The following DOC2A variants were observed in gnomAD, a reference collection of about 807,000 sequenced individuals.
DOC2A encodes the protein double C2 domain alpha.
In DOC2A, 28 loss-of-function variants were observed where a neutral mutation model predicts 40.6. The ratio of observed to expected loss-of-function variants is 0.69; its 90% CI spans 0.51 to 0.95. DOC2A has a LOEUF of 0.95. DOC2A is among the 40% of genes least tolerant of loss of function. The pLI is 0.00. For missense variants in DOC2A, 474 were observed against 552.5 expected (o/e 0.86, Z 1.42); for synonymous variants, 241 against 236.9 (o/e 1.02, Z -0.16).
chr16:30,006,816 C>T lies in DOC2A; in HGVS notation c.847G>A (p.Val283Ile), dbSNP rs868497849. The T allele has an allele frequency of 6.2e-6, 10 of 1,613,652 alleles. No individual in the cohort carries two copies. In the East Asian group the frequency reaches 6.7e-5, roughly 11 times the overall value. ...LRCAHLAAMDVNGYSDPYVKT... is the reference protein window; with the variant it reads ...LRCAHLAAMDINGYSDPYVKT... ...ACGTAGGGGTCCGAGTAACCGTTGA[C>T]GTCCATGGCAGCCAGATGGGCGCAG... The change falls in exon 8 of 11, where the codon GTC becomes ATC. Residue 283 changes from valine to isoleucine, a missense_variant. Coordinates refer to ENST00000350119, the MANE Select transcript of DOC2A (RefSeq NM_003586.3). The surrounding 1 kb of genome is among the most constrained non-coding windows in gnomAD (Gnocchi z 6.2).
upstream of DOC2A, among the ~76,000 whole-genome samples, chr16:30,021,878 C>A (rs1048958191): frequency 4.6e-5 from 7 of 152,152 alleles, no homozygotes; most frequent in East Asian, 3.9e-4. Context: ...GAACCCCCCC[C>A]CCAGGAAGTG....
Position 30,010,594 on chromosome 16 carries a change from G to A in DOC2A, c.-14+309C>T, listed in dbSNP as rs1012323148. 9 of 336,024 alleles carry A rather than the reference G, an allele frequency of 2.7e-5. No homozygotes were observed. The highest frequency in any genetic ancestry group is 7.3e-5 in the East Asian group (1 of 13,714). The allele number at this position is 336,024 out of a possible 1,614,324, so 20.8% of individuals were successfully genotyped here. A position where few individuals can be genotyped will look rare whatever the true frequency, so the allele number is the denominator to read the frequency against. On this transcript the variant is annotated intron_variant, in intron 1 of 10. Transcript: ENST00000350119. This position sits in a 1 kb window ranked among gnomAD's most constrained non-coding sequence, Gnocchi z 4.2. Reference sequence around the variant, plus strand: ...CCCCCAAGGGGCCCTGCAGGGCCCCGCCTCTGTTTCTCGGAGGCTCTGTCC... The same window carrying A: ...CCCCCAAGGGGCCCTGCAGGGCCCCACCTCTGTTTCTCGGAGGCTCTGTCC...
Position 30,005,788 on chromosome 16 carries a change from T to G in DOC2A, c.*398A>C. ...AGTTTCTGTATTAAAGGAGTGGCTC[T>G]GGGTTTGTTTTTTGTCCTTTTTTTT... On this transcript the variant is annotated 3_prime_UTR_variant, in exon 11 of 11. Coordinates refer to ENST00000350119, the MANE Select transcript of DOC2A (RefSeq NM_003586.3). The G allele has an allele frequency of 2.2e-6, 1 of 458,776 alleles. No individual in the cohort carries two copies. 28.4% of individuals were successfully genotyped at this position (458,776 alleles called of 1,614,324 possible).
Position 30,009,475 on chromosome 16 carries a change from C to T in DOC2A, c.342+3G>A, listed in dbSNP as rs1194544302. 3 of 1,551,280 alleles carry T rather than the reference C, an allele frequency of 1.9e-6. No homozygotes were observed. Among genetic ancestry groups the T allele is most frequent in the Non-Finnish European group, 2.6e-6 (3 of 1,146,954 alleles). On this transcript the variant is annotated splice_donor_region_variant and intron_variant, in intron 3 of 10. Transcript: ENST00000350119. The surrounding 1 kb of genome is among the most constrained non-coding windows in gnomAD (Gnocchi z 4.1). The stretch of plus-strand genomic sequence containing the variant: ...CCGGGCTTGGGTGGCAGGGAGTGCC[C>T]ACCTTGGCCCTGAGGATGCTACAGT...
At chr16:30,013,016 C>A (rs1326934703), upstream of DOC2A, among the ~76,000 whole-genome samples, 3 of 151,576 alleles carry the variant, frequency 2.0e-5, no homozygotes, top group Non-Finnish European at 4.4e-5. Flanking sequence ...AACAAACAAA[C>A]AAAAAACCCT....
At chr16:30,013,622 A>AAGAAAAAAAAAAAAAT (rs1186474493), upstream of DOC2A, 1 of 141,520 alleles carries the variant, frequency 7.1e-6, no homozygotes, top group Admixed American at 7.2e-5. Flanking sequence ...AAAAAAAAAA[A>AAGAAAAAAAAAAAAAT]AAAAATCCTT....
At chr16:30,015,644 T>C (rs992387623), upstream of DOC2A, among the ~76,000 whole-genome samples, 2 of 151,502 alleles carry the variant, frequency 1.3e-5, no homozygotes, top group African/African-American at 4.8e-5. Context: ...TTTTCTTTCT[T>C]TTCTTCTTTC....
chr16:30,008,755 C>A (rs1190197701), intron 5 of DOC2A: 1 of 471,084 alleles, frequency 2.1e-6, no homozygotes, highest in Non-Finnish European at 3.9e-6. Flanking sequence ...ATCCGCCCAC[C>A]TCGGCCTCCC....
chr16:30,009,842 C>G lies in DOC2A; in HGVS notation c.262+119G>C, dbSNP rs544184187. Reference sequence around the variant, plus strand: ...TGTGGTGGCCGTCCCTGCCACCCCCCCACTGCCCTCCTCCCCTACCTACAT... The same window carrying G: ...TGTGGTGGCCGTCCCTGCCACCCCCGCACTGCCCTCCTCCCCTACCTACAT... On this transcript the variant is annotated intron_variant, in intron 2 of 10. Transcript: ENST00000350119. The surrounding 1 kb of genome is among the most constrained non-coding windows in gnomAD (Gnocchi z 4.1). The G allele has an allele frequency of 3.4e-6, 4 of 1,164,210 alleles. No individual in the cohort carries two copies. Among genetic ancestry groups the G allele is most frequent in the Admixed American group, 1.9e-5 (1 of 52,436 alleles). 72.1% of individuals were successfully genotyped at this position (1,164,210 alleles called of 1,614,324 possible). A position where few individuals can be genotyped will look rare whatever the true frequency, so the allele number is the denominator to read the frequency against.
chr16:30,019,693 T>C (rs2070891289), intron 1 of DOC2A, among the ~76,000 whole-genome samples: 1 of 152,184 alleles, frequency 6.6e-6, no homozygotes, highest in Non-Finnish European at 1.5e-5. Flanking sequence ...AAGGAGCAGT[T>C]GCCTGTGGGC....
intron 1 of DOC2A, among the ~76,000 whole-genome samples, chr16:30,020,710 G>C (rs1463433094): frequency 6.6e-6 from 1 of 152,140 alleles, no homozygotes; most frequent in Non-Finnish European, 1.5e-5. Context: ...AGCCAGGCAT[G>C]GTGGCATATG....
chr16:30,006,870 G>T lies in DOC2A; in HGVS notation c.793C>A (p.Arg265Ser), dbSNP rs758127824. 1.1e-5 allele frequency: 18 copies of T among 1,613,474 alleles called. No homozygotes were observed. Among genetic ancestry groups the T allele is most frequent in the Non-Finnish European group, 1.5e-5 (18 of 1,179,746 alleles). ...AAGATGCCTACCAGCAGTCCCCGGC[G>T]CCGCGAGCTGTAGCTGAGACTCAGC... Reference protein sequence around the residue: ...ILLSLSYSSRRRGLLVGILRC... With the variant: ...ILLSLSYSSRSRGLLVGILRC... Residue 265 changes from arginine to serine, a missense_variant, in exon 8 of 11, where the codon CGC (arginine) becomes AGC (serine). Coordinates refer to ENST00000350119, the MANE Select transcript of DOC2A (RefSeq NM_003586.3). This position sits in a 1 kb window ranked among gnomAD's most constrained non-coding sequence, Gnocchi z 6.2.
At chr16:30,011,473 G>A (rs1187497775), upstream of DOC2A, 1 of 950,878 alleles carries the variant, frequency 1.1e-6, no homozygotes, top group Middle Eastern at 5.4e-4. Context: ...CGGCCACGGC[G>A]CCTCCCTCCC....
In DOC2A at chr16:30,005,760, T is replaced by C. The variant is rs1391098692; in HGVS notation, c.*426A>G. The C allele has an allele frequency of 2.1e-6, 1 of 474,298 alleles. No homozygotes were observed. The highest frequency in any genetic ancestry group is 2.0e-5 in the African/African-American group (1 of 49,410). The allele number at this position is 474,298 out of a possible 1,614,324, so 29.4% of individuals were successfully genotyped here. ...GCTGTACAGGGCTAGGTTTTTTCAA[T>C]GAAGTTTCTGTATTAAAGGAGTGGC... On this transcript the variant is annotated 3_prime_UTR_variant, in exon 11 of 11. Transcript: ENST00000350119.
upstream of DOC2A, chr16:30,011,296 T>C (rs1596709323): frequency 1.0e-6 from 1 of 974,508 alleles, no homozygotes; most frequent in African/African-American, 1.8e-5. Flanking sequence ...GCTCACACCC[T>C]TGCACACACC....
chr16:30,013,259 TTTTTC>T (rs962861712), upstream of DOC2A, among the ~76,000 whole-genome samples: 10 of 149,724 alleles, frequency 6.7e-5, no homozygotes, highest in African/African-American at 2.2e-4. Context: ...CTCTTCTTTT[TTTTTC>T]TTTTCTTTTT....
chr16:30,022,425 C>A (rs1184804512), upstream of DOC2A, among the ~76,000 whole-genome samples: 1 of 151,894 alleles, frequency 6.6e-6, no homozygotes, highest in Non-Finnish European at 1.5e-5. Context: ...AATCCCAGCA[C>A]TTTGGGAGGC....
Position 30,006,546 on chromosome 16 carries a change from T to A in DOC2A, c.961-37A>T, listed in dbSNP as rs1334625789. 8 of 1,613,074 alleles carry A rather than the reference T, an allele frequency of 5.0e-6. No individual in the cohort carries two copies. In the South Asian group the frequency reaches 8.8e-5, roughly 18 times the overall value. ...GCCGGCCACCCGTTCGTGAGCCAGCTCCCCAGCCCCTCCCTGGCCTCCCTC... is the reference window on the plus strand; with the variant it reads ...GCCGGCCACCCGTTCGTGAGCCAGCACCCCAGCCCCTCCCTGGCCTCCCTC... On this transcript the variant is annotated intron_variant, in intron 9 of 10. Transcript: ENST00000350119. This position sits in a 1 kb window ranked among gnomAD's most constrained non-coding sequence, Gnocchi z 6.2.
In DOC2A at chr16:30,019,910, TTTTTC is replaced by T. The variant is rs747490589; in HGVS notation, c.-376+1268_-376+1272del. 1.0e-3 allele frequency among the ~76,000 whole-genome samples: 154 copies of T among 151,034 alleles called. 1 individual carries two copies. Among genetic ancestry groups the T allele is most frequent in the Non-Finnish European group, 1.8e-3 (125 of 67,718 alleles). On this transcript the variant is annotated intron_variant, in intron 1 of 5. Transcript: ENST00000574405. ...CCACCATGCCTAGTTAATCTTTTTT[TTTTTC>T]TTTTTCTTTTTGAGATGAAATTTCA... is the stretch of plus-strand genomic sequence containing the variant.
Sources: gnomAD v4.1 joint callset for allele counts (sites outside exome capture counted in the v4.1 genomes callset) on GRCh38, gnomAD v4.1.1 for gene constraint, Gnocchi (gnomAD v3.1) non-coding constraint, MANE v1.5 for transcripts, NCBI Gene and HGNC (gene_info 2026-07-23, HGNC 2026-07-21) for gene names.